RABGAP1: variants seen among roughly 807,000 people sequenced by gnomAD.
The protein encoded by RABGAP1 is rab GTPase-activating protein 1.
Under a neutral mutation model 137.6 loss-of-function variants are expected in RABGAP1, and 23 were observed. That is an observed-to-expected ratio of 0.17 (90% CI 0.12 to 0.24). RABGAP1 has a LOEUF of 0.24. Ranked by LOEUF, RABGAP1 falls within the 10% of genes least tolerant of loss-of-function variation. The pLI is 1.00. For missense variants in RABGAP1, 906 were observed against 1,275.8 expected, an observed-to-expected ratio of 0.71 and a Z score of 4.42; for synonymous variants, 451 against 450.7, an observed-to-expected ratio of 1.00 and a Z score of -0.01.
intron 2 of RABGAP1, among the ~76,000 whole-genome samples, chr9:122,965,051 A>G (rs1015971404): frequency 2.0e-5 from 3 of 152,180 alleles, no homozygotes; most frequent in Admixed American, 1.3e-4. Flanking sequence ...CAAAAATGCA[A>G]TGAAAGAATT....
Position 123,073,663 on chromosome 9 carries a change from G to A in RABGAP1, c.2095G>A (p.Glu699Lys). The A allele has an allele frequency of 6.2e-7, 1 of 1,613,762 alleles. No homozygotes were observed. The highest frequency in any genetic ancestry group is 8.5e-7 in the Non-Finnish European group (1 of 1,179,796). The change falls in exon 16 of 26, where the codon GAG becomes AAG. Residue 699 changes from glutamate to lysine, a missense_variant. Transcript: ENST00000373647. ...EDLHCKFYQL[E>K]RLMQEYIPDL... ...TTTGCATTGCAAATTTTACCAGTTG[G>A]AGCGCCTCATGCAGGTAAAAAGAGA...
At chr9:122,947,990 T>C (rs1380995267) in intron 1 of RABGAP1, among the ~76,000 whole-genome samples, 2 of 151,862 alleles carry the variant, frequency 1.3e-5, no homozygotes, top group African/African-American at 4.8e-5. Flanking sequence ...GGATAGGCTG[T>C]GTGAAATTCA....
At position 123,070,502 on chromosome 9, in the gene RABGAP1, T is replaced by C; in HGVS notation, c.1983+78T>C. On this transcript the variant is annotated intron_variant, in intron 15 of 25. Transcript: ENST00000373647. This position sits in a 1 kb window ranked among gnomAD's most constrained non-coding sequence, Gnocchi z 4.4. ...ACTAACCTTAGGCTTGAGCATGGTTTTATATTGGGTTTGGACAGACTCTTA... is the reference window on the plus strand; with the variant it reads ...ACTAACCTTAGGCTTGAGCATGGTTCTATATTGGGTTTGGACAGACTCTTA... 6.2e-7 allele frequency: 1 copy of C among 1,605,078 alleles called. No individual in the cohort carries two copies.
chr9:123,040,640 T>C (rs2032907633), intron 13 of RABGAP1, among the ~76,000 whole-genome samples: 1 of 152,190 alleles, frequency 6.6e-6, no homozygotes, highest in African/African-American at 2.4e-5. Context: ...CCCTATCTTT[T>C]ATCATAAAAC....
chr9:123,073,433 TA>T, intron 15 of RABGAP1, 118 bp from the exon 16 acceptor site: 1 of 1,320,322 alleles, frequency 7.6e-7, no homozygotes. Flanking sequence ...TGCATAGCAC[TA>T]AATTTTCTGG....
At chr9:123,049,532 T>A (rs1307524925) in intron 13 of RABGAP1, among the ~76,000 whole-genome samples, 3 of 152,230 alleles carry the variant, frequency 2.0e-5, no homozygotes, top group Non-Finnish European at 4.4e-5. Flanking sequence ...GTGTTTTCAT[T>A]AGTATGGTTC....
At chr9:122,998,859 C>T (rs1837175022) in intron 10 of RABGAP1, 93 bp downstream of exon 10, 2 of 736,804 alleles carry the variant, frequency 2.7e-6, no homozygotes, top group Non-Finnish European at 4.0e-6. Context: ...TTTAAACAGT[C>T]ATGTGTATTT....
intron 13 of RABGAP1, among the ~76,000 whole-genome samples, chr9:123,056,021 A>G (rs976546931): frequency 6.6e-6 from 1 of 152,158 alleles, no homozygotes; most frequent in Non-Finnish European, 1.5e-5. Flanking sequence ...ATTTTTGGCC[A>G]ATACAAGATG....
chr9:123,092,598 A>C (rs2035063165), intron 21 of RABGAP1, among the ~76,000 whole-genome samples: 1 of 151,908 alleles, frequency 6.6e-6, no homozygotes, highest in African/African-American at 2.4e-5. Flanking sequence ...CACAGTAAAT[A>C]TGGGACAAGG....
rs551672759 is a variant in RABGAP1 at position 123,013,070 on chromosome 9, C to G, written c.1550-2473C>G. 1.6e-3 allele frequency among the ~76,000 whole-genome samples: 240 copies of G among 152,246 alleles called. 3 individuals carry two copies. The highest frequency in any genetic ancestry group is 2.8e-3 in the Non-Finnish European group (188 of 68,004). ...ACCTTAGGCAGATGGGTTCTTAACACAGATTTTAAACTACTACTACCCAGA... is the reference window on the plus strand; with the variant it reads ...ACCTTAGGCAGATGGGTTCTTAACAGAGATTTTAAACTACTACTACCCAGA... On this transcript the variant is annotated intron_variant, in intron 11 of 25. Transcript: ENST00000373647.
intron 4 of RABGAP1, among the ~76,000 whole-genome samples, chr9:122,987,135 TCAA>T (rs1012315488): frequency 2.6e-5 from 4 of 151,856 alleles, no homozygotes; most frequent in Non-Finnish European, 5.9e-5. Flanking sequence ...AGACCCTGTC[TCAA>T]CAAAGCAAAA....
chr9:123,036,338 G>A (rs546350750), intron 13 of RABGAP1, among the ~76,000 whole-genome samples: 7 of 152,164 alleles, frequency 4.6e-5, no homozygotes, highest in African/African-American at 1.4e-4. Context: ...ATATGTGTGC[G>A]TAGAAGTAAT....
chr9:122,933,520 C>G, the RABGAP1 span, among the ~76,000 whole-genome samples: 1 of 151,590 alleles, frequency 6.6e-6, no homozygotes, highest in African/African-American at 2.4e-5. Context: ...GTGGTGCCAT[C>G]TCAGCTCACT....
At chr9:122,931,687 G>C in the RABGAP1 span, among the ~76,000 whole-genome samples, 1 of 152,226 alleles carries the variant, frequency 6.6e-6, no homozygotes, top group Admixed American at 6.5e-5. Context: ...GGAGGGCACC[G>C]TACTCTGGGC....
intron 12 of RABGAP1, among the ~76,000 whole-genome samples, chr9:123,017,489 T>G (rs1056810073): frequency 1.3e-5 from 2 of 152,210 alleles, no homozygotes; most frequent in Non-Finnish European, 2.9e-5. Flanking sequence ...TACATCATTA[T>G]TTTTTCTCAT....
At chr9:123,086,765 G>T (rs2034879986) in intron 19 of RABGAP1, among the ~76,000 whole-genome samples, 1 of 152,176 alleles carries the variant, frequency 6.6e-6, no homozygotes, top group Non-Finnish European at 1.5e-5. Context: ...AAAAGACTGA[G>T]CTGGTGAAGA....
At chr9:123,033,281 T>TG (rs1265106381) in intron 13 of RABGAP1, among the ~76,000 whole-genome samples, 2 of 152,188 alleles carry the variant, frequency 1.3e-5, no homozygotes, top group Non-Finnish European at 2.9e-5. Context: ...GAAAATGCCG[T>TG]GAGAAAATAG....
chr9:122,934,108 C>T, the RABGAP1 span, among the ~76,000 whole-genome samples: 1,647 of 148,140 alleles, frequency 0.011, 8 homozygotes, highest in Middle Eastern at 0.025. Context: ...GACAGAGTCT[C>T]GCTCTGTCAC....
Position 123,093,569 on chromosome 9 carries a change from T to C in RABGAP1, c.2628+3184T>C, listed in dbSNP as rs185370239. Among the ~76,000 whole-genome samples the C allele has an allele frequency of 1.8e-4, 27 of 152,376 alleles. No homozygotes were observed. In the East Asian group the frequency reaches 4.0e-3, roughly 23 times the overall value. On this transcript the variant is annotated intron_variant, in intron 21 of 25. Coordinates refer to ENST00000373647, the MANE Select transcript of RABGAP1 (RefSeq NM_012197.4). ...AGTTCTGTGACATTTTGCAGATTGC[T>C]GAACTTGCCCCATTGAGTTAGCTTG...
Sources: allele counts gnomAD v4.1 joint callset (sites outside exome capture counted in the v4.1 genomes callset), GRCh38; gene constraint gnomAD v4.1.1; non-coding constraint Gnocchi (gnomAD v3.1); transcripts MANE v1.5; gene names NCBI Gene and HGNC (gene_info 2026-07-23, HGNC 2026-07-21).